Variants in SCFD2 observed in about 807,000 individuals in gnomAD.
The protein encoded by SCFD2 is sec1 family domain-containing protein 2.
SCFD2 carries 54 observed loss-of-function variants against 58.9 expected under a neutral mutation model. The observed-to-expected ratio is 0.92, with a 90% CI of 0.74 to 1.15. The LOEUF is 1.15. Among genes scored for constraint, SCFD2 ranks in the 50% most tolerant of loss-of-function variants. The probability of loss-of-function intolerance (pLI) is 0.00; values close to 1 mark genes in which losing one functional copy is unlikely to be tolerated. For synonymous variants in SCFD2, 321 were observed against 335.9 expected (o/e 0.96, Z 0.49); for missense variants, 805 against 836.6 (o/e 0.96, Z 0.47).
rs374528020 is a variant in SCFD2 at position 53,147,223 on chromosome 4, C to T, written c.1312-1641G>A. Among the ~76,000 whole-genome samples, 262 of 152,142 alleles carry T rather than the reference C, an allele frequency of 1.7e-3. 4 individuals are homozygous for T. The South Asian group carries it at 0.047, about 27-fold the overall frequency. ...GATACAGTTTACATAGGAAAAGTCA[C>T]GTTAAAAGGAAATATTAGAATAAAG... On this transcript the variant is annotated intron_variant, in intron 4 of 8. Transcript: ENST00000401642.
chr4:53,351,608 C>G (rs1459351097), intron 2 of SCFD2, among the ~76,000 whole-genome samples: 2 of 152,190 alleles, frequency 1.3e-5, no homozygotes, highest in Admixed American at 6.5e-5. Context: ...GCTCTCTGAA[C>G]AGTTAAATGT....
At chr4:53,006,912 A>G (rs1442537024) in intron 5 of SCFD2, among the ~76,000 whole-genome samples, 1 of 152,052 alleles carries the variant, frequency 6.6e-6, no homozygotes, top group Non-Finnish European at 1.5e-5. Context: ...GCTCTGGCCA[A>G]CTGTTGCTGT....
intron 5 of SCFD2, among the ~76,000 whole-genome samples, chr4:53,015,548 G>T (rs752802725): frequency 2.6e-5 from 4 of 152,066 alleles, no homozygotes; most frequent in African/African-American, 9.7e-5. Context: ...GTCATCAGGC[G>T]GTTCAGATAA....
At chr4:52,880,616 CA>C (rs33961681) in intron 8 of SCFD2, among the ~76,000 whole-genome samples, 85,326 of 118,962 alleles carry the variant, frequency 0.72, 28,722 homozygotes, top group South Asian at 0.81. Context: ...GACCCTGTCT[CA>C]AAAAAAAAAA....
chr4:53,093,004 A>C (rs1053485572), intron 5 of SCFD2, among the ~76,000 whole-genome samples: 9 of 152,130 alleles, frequency 5.9e-5, no homozygotes, highest in Non-Finnish European at 1.3e-4. Context: ...AGGACAGAAG[A>C]GTAGTGTCCA....
chr4:53,171,098 T>C (rs1419454784), intron 4 of SCFD2, among the ~76,000 whole-genome samples: 1 of 152,192 alleles, frequency 6.6e-6, no homozygotes, highest in African/African-American at 2.4e-5. Context: ...CCTTGTCTTG[T>C]TCCTGACCTT....
At chr4:53,276,930 C>A (rs187497093) in intron 3 of SCFD2, among the ~76,000 whole-genome samples, 4 of 152,260 alleles carry the variant, frequency 2.6e-5, no homozygotes, top group Admixed American at 2.6e-4. Flanking sequence ...ATGATGTTAA[C>A]CACCTTTTCA....
chr4:53,340,750 T>C (rs1372302474), intron 2 of SCFD2, among the ~76,000 whole-genome samples: 1 of 152,154 alleles, frequency 6.6e-6, no homozygotes, highest in Non-Finnish European at 1.5e-5. Context: ...TGGGTGCCTC[T>C]CTGAGACGAA....
At chr4:53,184,138 T>C (rs1461567271) in intron 4 of SCFD2, among the ~76,000 whole-genome samples, 3 of 152,170 alleles carry the variant, frequency 2.0e-5, no homozygotes, top group Non-Finnish European at 4.4e-5. Context: ...GTATTGGAGA[T>C]TGTTTCTTGT....
intron 4 of SCFD2, among the ~76,000 whole-genome samples, chr4:53,152,672 C>G (rs1726546371): frequency 6.6e-6 from 1 of 152,196 alleles, no homozygotes; most frequent in Admixed American, 6.5e-5. Flanking sequence ...AAGGTCTTGA[C>G]TCATTCCAGA....
At chr4:52,938,421 G>A (rs1438114181) in intron 5 of SCFD2, among the ~76,000 whole-genome samples, 2 of 152,132 alleles carry the variant, frequency 1.3e-5, no homozygotes, top group African/African-American at 4.8e-5. Context: ...ATGATAAAAA[G>A]TATAGTACAA....
At chr4:53,067,216 G>A (rs374819015) in intron 5 of SCFD2, among the ~76,000 whole-genome samples, 10 of 152,068 alleles carry the variant, frequency 6.6e-5, no homozygotes, top group African/African-American at 2.4e-4. Flanking sequence ...GGAGCAAAAT[G>A]TACAGGATTG....
At chr4:52,943,514 C>T (rs1720344969) in intron 5 of SCFD2, among the ~76,000 whole-genome samples, 1 of 152,140 alleles carries the variant, frequency 6.6e-6, no homozygotes, top group African/African-American at 2.4e-5. Context: ...ATCTGGCCTT[C>T]AAGCACTCAC....
At chr4:52,951,984 G>T (rs563289355) in intron 5 of SCFD2, among the ~76,000 whole-genome samples, 4 of 152,280 alleles carry the variant, frequency 2.6e-5, no homozygotes, top group East Asian at 1.9e-4. Flanking sequence ...AGGAGAAGGC[G>T]CTCTACCCCT....
At chr4:53,160,115 C>T (rs1726809449) in intron 4 of SCFD2, among the ~76,000 whole-genome samples, 1 of 152,160 alleles carries the variant, frequency 6.6e-6, no homozygotes, top group South Asian at 2.1e-4. Flanking sequence ...GATTTAGTTC[C>T]TTTAGCAATG....
At chr4:52,994,709 G>A (rs147856399) in intron 5 of SCFD2, among the ~76,000 whole-genome samples, 2,201 of 152,244 alleles carry the variant, frequency 0.014, 44 homozygotes, top group African/African-American at 0.048. Context: ...GAGACTCCAC[G>A]CAGCAATTTA....
intron 5 of SCFD2, among the ~76,000 whole-genome samples, chr4:52,923,479 A>G (rs1188719777): frequency 7.2e-6 from 1 of 138,148 alleles, no homozygotes. Flanking sequence ...CTGCATCTCA[A>G]ATAAATAAAT....
intron 2 of SCFD2, among the ~76,000 whole-genome samples, chr4:53,345,996 C>A (rs775137352): frequency 6.6e-6 from 1 of 151,974 alleles, no homozygotes; most frequent in Non-Finnish European, 1.5e-5. Flanking sequence ...AAATACCTAA[C>A]GTAAATGACG....
At chr4:53,114,692 G>T (rs1167322013) in intron 5 of SCFD2, among the ~76,000 whole-genome samples, 1 of 152,124 alleles carries the variant, frequency 6.6e-6, no homozygotes, top group Non-Finnish European at 1.5e-5. Context: ...GCTTCAGGAA[G>T]TTCTTCAGAT....
Sources: allele counts gnomAD v4.1 joint callset (sites outside exome capture counted in the v4.1 genomes callset), GRCh38; gene constraint gnomAD v4.1.1; transcripts MANE v1.5; gene names NCBI Gene and HGNC (gene_info 2026-07-23, HGNC 2026-07-21).